TRIM24: variants seen among roughly 807,000 people sequenced by gnomAD.
TRIM24 encodes the protein transcription intermediary factor 1-alpha.
In TRIM24, 29 loss-of-function variants were observed where a neutral mutation model predicts 123.9. That is an observed-to-expected ratio of 0.23 (90% confidence interval 0.17 to 0.32). The LOEUF is 0.32. Ranked by LOEUF, TRIM24 falls within the 10% of genes least tolerant of loss-of-function variation. The probability of loss-of-function intolerance (pLI) is 1.00; values close to 1 mark genes in which losing one functional copy is unlikely to be tolerated. For synonymous variants in TRIM24, 456 were observed against 461.1 expected (o/e 0.99, Z 0.14); for missense variants, 932 against 1,295.3 (o/e 0.72, Z 4.31).
At chr7:138,543,204 T>A (rs1373929563) in intron 7 of TRIM24, among the ~76,000 whole-genome samples, 1 of 152,228 alleles carries the variant, frequency 6.6e-6, no homozygotes, top group Non-Finnish European at 1.5e-5. Context: ...CACAATGAAC[T>A]GTTGAAATAG....
At chr7:138,506,032 T>G (rs1796144474) in intron 2 of TRIM24, among the ~76,000 whole-genome samples, 1 of 152,202 alleles carries the variant, frequency 6.6e-6, no homozygotes, top group Admixed American at 6.5e-5. Flanking sequence ...GTTAGCTATG[T>G]TTTTCAGGAC....
At chr7:138,484,593 T>C (rs989428272) in intron 1 of TRIM24, among the ~76,000 whole-genome samples, 2 of 152,170 alleles carry the variant, frequency 1.3e-5, no homozygotes, top group African/African-American at 2.4e-5. Flanking sequence ...TTTGGTTTGC[T>C]AATACTTTGT....
chr7:138,525,357 G>T lies in TRIM24; in HGVS notation c.881G>T (p.Arg294Ile). 6.9e-7 allele frequency: 1 copy of T among 1,451,544 alleles called. No homozygotes were observed. The highest frequency in any genetic ancestry group is 9.2e-7 in the Non-Finnish European group (1 of 1,086,178). 89.9% of individuals were successfully genotyped at this position (1,451,544 alleles called of 1,614,324 possible). The change falls in exon 5 of 19, where the codon AGA (arginine) becomes ATA (isoleucine). Residue 294 changes from arginine to isoleucine, a missense_variant and splice_region_variant. Arg to Ile is a moderately conservative substitution (Grantham distance 97). This residue lies in a region of TRIM24 where 527 missense variants were observed against 691.3 expected (regional missense o/e 0.76). Coordinates refer to ENST00000343526, the MANE Select transcript of TRIM24 (RefSeq NM_015905.3). Reference sequence around the variant, plus strand: ...TTCACAGGAAATCAGATCCAAAACAGGTAATTTTATGGTATTATGTAATCA... The same window carrying T: ...TTCACAGGAAATCAGATCCAAAACATGTAATTTTATGGTATTATGTAATCA... Reference protein sequence around the residue: ...IKFTGNQIQNRIIEVNQNQKQ... With the variant: ...IKFTGNQIQNIIIEVNQNQKQ...
chr7:138,523,703 A>G (rs1172411415), intron 4 of TRIM24, among the ~76,000 whole-genome samples: 2 of 131,992 alleles, frequency 1.5e-5, no homozygotes, highest in African/African-American at 5.4e-5. Context: ...GTGAGCCGAG[A>G]TGGGGCCACT....
At chr7:138,461,008 C>G in intron 1 of TRIM24, 96 bp downstream of exon 1, 1 of 1,127,012 alleles carries the variant, frequency 8.9e-7, no homozygotes, top group Non-Finnish European at 1.2e-6. Flanking sequence ...GTCGCCGCCG[C>G]CCGGGGTGCG....
At position 138,508,692 on chromosome 7, in the gene TRIM24, T is replaced by TGTGTGTGC. The variant is rs1422176564; in HGVS notation, c.483+4285_483+4286insTGTGTGCG. Among the ~76,000 whole-genome samples, 120 of 137,274 alleles carry TGTGTGTGC rather than the reference T, an allele frequency of 8.7e-4. 2 individuals carry two copies. The highest frequency in any genetic ancestry group is 9.3e-4 in the African/African-American group (34 of 36,386). 90.1% of individuals were successfully genotyped at this position (137,274 alleles called of 152,430 possible). A position where few individuals can be genotyped will look rare whatever the true frequency, so the allele number is the denominator to read the frequency against. ...GTGTGTGTGTGTGTGTGTGTGTGTG[T>TGTGTGTGC]GCGCGCGCGTGTGTGCGTGTGTGTG... On this transcript the variant is annotated intron_variant, in intron 2 of 18. Coordinates refer to ENST00000343526, the MANE Select transcript of TRIM24 (RefSeq NM_015905.3).
chr7:138,466,497 C>T (rs1190534301), intron 1 of TRIM24, among the ~76,000 whole-genome samples: 3 of 90,784 alleles, frequency 3.3e-5, no homozygotes, highest in African/African-American at 1.3e-4. Context: ...CAGCATCTCA[C>T]TGTGTTGCCC....
chr7:138,579,053 TCTAAGC>T, intron 14 of TRIM24, 145 bp from the exon 15 acceptor site: 1 of 578,192 alleles, frequency 1.7e-6, no homozygotes, highest in Non-Finnish European at 2.9e-6. Context: ...GTTCATGTCT[TCTAAGC>T]CAGTTAGCAA....
chr7:138,557,134 G>GAC (rs1797330879), intron 9 of TRIM24, among the ~76,000 whole-genome samples: 1 of 152,228 alleles, frequency 6.6e-6, no homozygotes, highest in Non-Finnish European at 1.5e-5. Flanking sequence ...TTTGCTCTGA[G>GAC]TGGGTGTTGG....
chr7:138,565,090 G>A (rs1274092937), intron 9 of TRIM24, among the ~76,000 whole-genome samples: 4 of 152,132 alleles, frequency 2.6e-5, no homozygotes, highest in African/African-American at 9.7e-5. Context: ...TTCTCTCAGA[G>A]TGTATGGTCT....
At chr7:138,534,404 G>A (rs572756644) in intron 6 of TRIM24, among the ~76,000 whole-genome samples, 5 of 152,192 alleles carry the variant, frequency 3.3e-5, no homozygotes, top group East Asian at 1.9e-4. Flanking sequence ...AGAGATCCAG[G>A]TACGTTGTGT....
chr7:138,536,648 G>T (rs564587865), intron 6 of TRIM24, among the ~76,000 whole-genome samples: 1 of 152,356 alleles, frequency 6.6e-6, no homozygotes, highest in South Asian at 2.1e-4. Context: ...TCCCAATTAG[G>T]CTACTTGGGG....
intron 1 of TRIM24, among the ~76,000 whole-genome samples, chr7:138,468,971 A>G (rs76902264): frequency 2.0e-4 from 30 of 152,286 alleles, no homozygotes; most frequent in African/African-American, 5.8e-4. Context: ...GGGAATCAAG[A>G]TTTAGGGGGC....
At chr7:138,471,516 A>G (rs1165366696) in intron 1 of TRIM24, among the ~76,000 whole-genome samples, 2 of 151,554 alleles carry the variant, frequency 1.3e-5, no homozygotes, top group Non-Finnish European at 2.9e-5. Flanking sequence ...ATCTCATAGT[A>G]TAATAAATTT....
chr7:138,491,079 A>T (rs749302100), intron 1 of TRIM24: 2 of 254,550 alleles, frequency 7.9e-6, no homozygotes, highest in Non-Finnish European at 1.6e-5. Flanking sequence ...CATGGAAGTT[A>T]AGTCAGGCAA....
rs7790792 is a variant in TRIM24, at chr7:138,585,056, C to G, written c.*105C>G. On this transcript the variant is annotated 3_prime_UTR_variant, in exon 19 of 19. Transcript: ENST00000343526. ...ACAAAAAGAAGAGTTTGTGACTATT[C>G]TCATCTCTGTTTTGGACGTTTACTA... 1,239 of 995,836 alleles carry G rather than the reference C, an allele frequency of 1.2e-3. 7 individuals are homozygous for G. In the African/African-American group the frequency reaches 0.018, roughly 15 times the overall value. The allele number at this position is 995,836 out of a possible 1,614,324, so 61.7% of individuals were successfully genotyped here.
At chr7:138,510,950 C>T (rs1170417422) in intron 2 of TRIM24, among the ~76,000 whole-genome samples, 2 of 152,142 alleles carry the variant, frequency 1.3e-5, no homozygotes, top group African/African-American at 2.4e-5. Context: ...TCTTCCCAAC[C>T]TCATAGGTAA....
At chr7:138,500,042 C>G (rs1324236567) in intron 1 of TRIM24, among the ~76,000 whole-genome samples, 2 of 152,112 alleles carry the variant, frequency 1.3e-5, no homozygotes, top group African/African-American at 4.8e-5. Context: ...ATTTAACTCA[C>G]TTGTGTTGTG....
intron 1 of TRIM24, chr7:138,490,946 A>C: frequency 2.9e-6 from 1 of 346,908 alleles, no homozygotes; most frequent in Non-Finnish European, 5.5e-6. Context: ...TTTTAGTAAA[A>C]CCAATACAGA....
Sources: allele counts gnomAD v4.1 joint callset (sites outside exome capture counted in the v4.1 genomes callset), GRCh38; gene constraint gnomAD v4.1.1; regional missense constraint gnomAD v4.1.1; transcripts MANE v1.5; gene names NCBI Gene and HGNC (gene_info 2026-07-23, HGNC 2026-07-21).